Variants in ARHGAP20 observed in about 807,000 individuals in gnomAD.
The protein encoded by ARHGAP20 is Rho GTPase activating protein 20, also known as rho GTPase-activating protein 20.
A neutral mutation model predicts 73.7 loss-of-function variants in ARHGAP20; 34 were observed. The observed-to-expected ratio is 0.46, with a 90% CI of 0.35 to 0.61. ARHGAP20 has a LOEUF of 0.61. ARHGAP20 is among the 20% of genes least tolerant of loss of function. The pLI is 0.00. For missense variants in ARHGAP20, 1,314 were observed against 1,420.9 expected (o/e 0.92, Z 1.21); for synonymous variants, 523 against 518.2 (o/e 1.01, Z -0.13).
At chr11:110,616,145 A>C (rs1948477601) in intron 4 of ARHGAP20, among the ~76,000 whole-genome samples, 1 of 145,664 alleles carries the variant, frequency 6.9e-6, no homozygotes, top group South Asian at 2.2e-4. Flanking sequence ...GTTGTTAGGA[A>C]AAGAAACATT....
chr11:110,658,421 C>T (rs1418699708), intron 2 of ARHGAP20, among the ~76,000 whole-genome samples: 2 of 152,054 alleles, frequency 1.3e-5, no homozygotes, highest in African/African-American at 2.4e-5. Context: ...TCTCTTCTTC[C>T]TTAAGGTACT....
At chr11:110,592,757 T>C (rs1379477969) in intron 9 of ARHGAP20, among the ~76,000 whole-genome samples, 1 of 152,198 alleles carries the variant, frequency 6.6e-6, no homozygotes, top group African/African-American at 2.4e-5. Flanking sequence ...AATCCTTTAG[T>C]ATCTGACATA....
intron 9 of ARHGAP20, among the ~76,000 whole-genome samples, chr11:110,605,283 A>T (rs1372792318): frequency 6.6e-6 from 1 of 152,206 alleles, no homozygotes; most frequent in Non-Finnish European, 1.5e-5. Flanking sequence ...GAATGAACAA[A>T]GGCTGGCTGA....
intron 9 of ARHGAP20, among the ~76,000 whole-genome samples, chr11:110,603,855 G>C (rs550720174): frequency 6.6e-6 from 1 of 152,290 alleles, no homozygotes; most frequent in East Asian, 1.9e-4. Flanking sequence ...ACATATGTGA[G>C]AAAATATGTT....
At chr11:110,611,172 T>C (rs1948358144) in intron 7 of ARHGAP20, 137 bp downstream of exon 7, 1 of 525,224 alleles carries the variant, frequency 1.9e-6, no homozygotes, top group Non-Finnish European at 3.3e-6. Context: ...CTGTTCTCAT[T>C]TTCTATATTT....
intron 2 of ARHGAP20, among the ~76,000 whole-genome samples, chr11:110,644,001 C>A (rs1949130854): frequency 6.6e-6 from 1 of 151,982 alleles, no homozygotes; most frequent in African/African-American, 2.4e-5. Flanking sequence ...ATCATTATAG[C>A]ATTTCTATAC....
At chr11:110,626,458 T>C (rs1374309997) in intron 3 of ARHGAP20, among the ~76,000 whole-genome samples, 1 of 152,216 alleles carries the variant, frequency 6.6e-6, no homozygotes, top group African/African-American at 2.4e-5. Context: ...CATATACCAT[T>C]GTTGTAAATA....
In ARHGAP20 at chr11:110,688,556, T is replaced by G. The variant is rs1485719233; in HGVS notation, c.188+1991A>C. Among the ~76,000 whole-genome samples the G allele has an allele frequency of 2.0e-5, 3 of 152,112 alleles. No individual in the cohort carries two copies. In the East Asian group the frequency reaches 5.8e-4, roughly 29 times the overall value. On this transcript the variant is annotated intron_variant, in intron 2 of 14. Coordinates refer to ENST00000683387, the MANE Select transcript of ARHGAP20 (RefSeq NM_001384657.1). ...TTATTTTTACATCTATAGTAGAGAA[T>G]TAAAGACATCTATACTGATTAATTC...
chr11:110,691,429 A>G (rs1950240239), intron 1 of ARHGAP20, among the ~76,000 whole-genome samples: 1 of 152,098 alleles, frequency 6.6e-6, no homozygotes. Flanking sequence ...TTCTCACCCT[A>G]TATCTCTATA....
At chr11:110,597,206 G>A (rs1037455053) in intron 9 of ARHGAP20, among the ~76,000 whole-genome samples, 1 of 150,958 alleles carries the variant, frequency 6.6e-6, no homozygotes, top group Non-Finnish European at 1.5e-5. Flanking sequence ...GAGTTGATGG[G>A]TGCAGCACAC....
intron 11 of ARHGAP20, among the ~76,000 whole-genome samples, chr11:110,587,329 TG>T (rs1947697140): frequency 6.6e-6 from 1 of 152,238 alleles, no homozygotes; most frequent in Admixed American, 6.5e-5. Flanking sequence ...TACACATGGT[TG>T]GCTACCCTCT....
chr11:110,642,739 T>C (rs932500696), intron 2 of ARHGAP20, among the ~76,000 whole-genome samples: 1 of 152,060 alleles, frequency 6.6e-6, no homozygotes, highest in African/African-American at 2.4e-5. Flanking sequence ...TATTGGCCTG[T>C]AGTTTTCTTT....
At chr11:110,671,317 C>T (rs557613059) in intron 2 of ARHGAP20, among the ~76,000 whole-genome samples, 2 of 151,734 alleles carry the variant, frequency 1.3e-5, no homozygotes, top group South Asian at 2.1e-4. Context: ...TTAAAAAAAA[C>T]ACCTCACATA....
chr11:110,647,220 G>A (rs1949215347), intron 2 of ARHGAP20, among the ~76,000 whole-genome samples: 1 of 152,020 alleles, frequency 6.6e-6, no homozygotes, highest in Non-Finnish European at 1.5e-5. Context: ...ATGGAGATAA[G>A]AAATTTGGTT....
chr11:110,667,898 A>G (rs1238972991), intron 2 of ARHGAP20, among the ~76,000 whole-genome samples: 2 of 152,212 alleles, frequency 1.3e-5, no homozygotes, highest in Admixed American at 1.3e-4. Context: ...AATTGCTACA[A>G]TCTCACAATA....
chr11:110,646,166 A>G (rs1949190281), intron 2 of ARHGAP20, among the ~76,000 whole-genome samples: 1 of 152,188 alleles, frequency 6.6e-6, no homozygotes, highest in African/African-American at 2.4e-5. Flanking sequence ...GGAAATTTAT[A>G]AATATTGTAT....
chr11:110,624,376 T>G lies in ARHGAP20; in HGVS notation c.354-65A>C, dbSNP rs569938300. The G allele has an allele frequency of 5.2e-4, 690 of 1,334,752 alleles. 1 individual carries two copies. Among genetic ancestry groups the G allele is most frequent in the Non-Finnish European group, 6.3e-4 (630 of 1,002,386 alleles). The allele number at this position is 1,334,752 out of a possible 1,614,324, so 82.7% of individuals were successfully genotyped here. The stretch of plus-strand genomic sequence containing the variant: ...GTTTCTTAAATTTTATGGGAGCTTC[T>G]CTGGAAGGCATCATCCTCAGCAAAC... On this transcript the variant is annotated intron_variant, in intron 3 of 14. Transcript: ENST00000683387.
At chr11:110,690,105 T>C (rs536095774) in intron 2 of ARHGAP20, among the ~76,000 whole-genome samples, 1 of 152,260 alleles carries the variant, frequency 6.6e-6, no homozygotes, top group South Asian at 2.1e-4. Context: ...AATCAATCAA[T>C]ATTCCATTTT....
At chr11:110,596,738 C>A (rs946207257) in intron 9 of ARHGAP20, among the ~76,000 whole-genome samples, 10 of 152,238 alleles carry the variant, frequency 6.6e-5, no homozygotes, top group African/African-American at 2.4e-4. Context: ...TATGGCGATT[C>A]CTCAGGGATC....
Sources: allele counts gnomAD v4.1 joint callset (sites outside exome capture counted in the v4.1 genomes callset), GRCh38; gene constraint gnomAD v4.1.1; transcripts MANE v1.5; gene names NCBI Gene and HGNC (gene_info 2026-07-23, HGNC 2026-07-21).